The following CELF4 variants were observed in gnomAD, a reference collection of about 807,000 sequenced individuals.
CELF4 encodes the protein CUGBP Elav-like family member 4.
CELF4 carries 18 observed loss-of-function variants against 59.9 expected under a neutral mutation model. The ratio of observed to expected loss-of-function variants is 0.30; its 90% confidence interval spans 0.21 to 0.45. The LOEUF is 0.45. Among genes scored for constraint, CELF4 ranks in the 20% least tolerant of loss-of-function variants. The pLI, the probability that CELF4 is intolerant of heterozygous loss-of-function variation, is 1.00. For synonymous variants in CELF4, 261 were observed against 267.1 expected, an observed-to-expected ratio of 0.98 and a Z score of 0.22; for missense variants, 456 against 689.0, an observed-to-expected ratio of 0.66 and a Z score of 3.79.
intron 2 of CELF4, among the ~76,000 whole-genome samples, chr18:37,378,126 C>A (rs2098992829): frequency 6.6e-6 from 1 of 152,192 alleles, no homozygotes; most frequent in Non-Finnish European, 1.5e-5. Flanking sequence ...TCACCTTGCC[C>A]ACAGGTTGAC....
intron 2 of CELF4, among the ~76,000 whole-genome samples, chr18:37,463,053 C>A (rs56030681): frequency 0.032 from 4,798 of 152,260 alleles, 264 homozygotes; most frequent in African/African-American, 0.11. Flanking sequence ...TCAGGGAGCT[C>A]CTTTTCCAGA....
rs979378668 is a variant in CELF4 at position 37,254,267 on chromosome 18, A to T, written c.1334-329T>A. ...GCCCCCCACCCCCGCCGGCCCCGGC[A>T]CCTCAGCCCTCGCCTCGGCGGGAGA... On this transcript the variant is annotated intron_variant, in intron 11 of 12. Coordinates refer to ENST00000420428, the MANE Select transcript of CELF4 (RefSeq NM_020180.4). The surrounding 1 kb of genome is among the most constrained non-coding windows in gnomAD (Gnocchi z 5.1). Among the ~76,000 whole-genome samples the T allele has an allele frequency of 2.7e-5, 4 of 150,158 alleles. No individual in the cohort carries two copies. Among genetic ancestry groups the T allele is most frequent in the African/African-American group, 9.8e-5 (4 of 40,872 alleles).
intron 1 of CELF4, among the ~76,000 whole-genome samples, chr18:37,526,615 G>A (rs1256128030): frequency 6.6e-6 from 1 of 152,214 alleles, no homozygotes; most frequent in Non-Finnish European, 1.5e-5. Flanking sequence ...TAATGGAACC[G>A]TTGAAGGCAG....
chr18:37,261,753 G>C (rs552428379), intron 10 of CELF4, among the ~76,000 whole-genome samples: 2 of 152,350 alleles, frequency 1.3e-5, no homozygotes, highest in South Asian at 4.1e-4. Context: ...ATCCCTGAGG[G>C]CAACCTCATC....
intron 1 of CELF4, among the ~76,000 whole-genome samples, chr18:37,493,031 CCT>C (rs1156513373): frequency 6.6e-6 from 1 of 152,164 alleles, no homozygotes; most frequent in Non-Finnish European, 1.5e-5. Context: ...GATCTTCTTC[CCT>C]CTCTCTTCCC....
intron 1 of CELF4, among the ~76,000 whole-genome samples, chr18:37,550,829 G>A (rs1041934571): frequency 2.0e-5 from 3 of 152,200 alleles, no homozygotes; most frequent in East Asian, 1.9e-4. Context: ...GATTAGAGAC[G>A]TTTCTTTGGG....
At position 37,325,789 on chromosome 18, in the gene CELF4, C is replaced by T. The variant is rs1266210445; in HGVS notation, c.370-3908G>A. Among the ~76,000 whole-genome samples, 6 of 152,326 alleles carry T rather than the reference C, an allele frequency of 3.9e-5. No homozygotes were observed. The East Asian group carries it at 1.2e-3, about 29-fold the overall frequency. On this transcript the variant is annotated intron_variant, in intron 2 of 12. Coordinates refer to ENST00000420428, the MANE Select transcript of CELF4 (RefSeq NM_020180.4). ...TGGTAAAGGAGAACGGAATTGGTTC[C>T]CATGCAGCCATGGCTCCTGGGGTCA...
intron 2 of CELF4, among the ~76,000 whole-genome samples, chr18:37,334,389 A>T (rs2097686613): frequency 6.6e-6 from 1 of 152,040 alleles, no homozygotes; most frequent in Admixed American, 6.5e-5. Flanking sequence ...GACAGCTCAC[A>T]ACCATCTAGG....
intron 3 of CELF4, among the ~76,000 whole-genome samples, chr18:37,289,981 C>T (rs1387034685): frequency 6.6e-6 from 1 of 152,176 alleles, no homozygotes; most frequent in Admixed American, 6.5e-5. Context: ...CCTTTGTGAT[C>T]ACAAGGATCT....
intron 2 of CELF4, among the ~76,000 whole-genome samples, chr18:37,445,392 T>G (rs1041983708): frequency 2.0e-5 from 3 of 151,662 alleles, no homozygotes; most frequent in African/African-American, 4.8e-5. Context: ...GAGTTGGGTT[T>G]GGGGTCTGCT....
intron 3 of CELF4, among the ~76,000 whole-genome samples, chr18:37,308,240 T>C (rs2096515415): frequency 1.3e-5 from 2 of 152,088 alleles, no homozygotes; most frequent in African/African-American, 4.8e-5. Context: ...TATCGAAGAC[T>C]CCCCATCATC....
At chr18:37,313,632 C>T (rs1036991428) in intron 3 of CELF4, among the ~76,000 whole-genome samples, 1 of 152,250 alleles carries the variant, frequency 6.6e-6, no homozygotes, top group Admixed American at 6.5e-5. Context: ...GCTGCCCCCA[C>T]CCAGGCCCGC....
chr18:37,520,143 G>A (rs1034453112), intron 1 of CELF4, among the ~76,000 whole-genome samples: 1 of 152,102 alleles, frequency 6.6e-6, no homozygotes, highest in Non-Finnish European at 1.5e-5. Context: ...CCCCAAGCTC[G>A]GGGCCCCTAA....
intron 1 of CELF4, among the ~76,000 whole-genome samples, chr18:37,509,296 C>T (rs1237152442): frequency 6.6e-6 from 1 of 152,202 alleles, no homozygotes; most frequent in African/African-American, 2.4e-5. Flanking sequence ...ATTTTGAGTT[C>T]TGCAGAAAAG....
rs143407125 is a variant in CELF4, at chr18:37,506,961, G to C, written c.287-21354C>G. Among the ~76,000 whole-genome samples, 120 of 152,308 alleles carry C rather than the reference G, an allele frequency of 7.9e-4. 1 individual carries two copies. Among genetic ancestry groups the C allele is most frequent in the Admixed American group, 1.4e-3 (22 of 15,298 alleles). The stretch of plus-strand genomic sequence containing the variant: ...CTTGGGCCAGATGAAAAGGAGTGAG[G>C]AAACCTGTACATTCTTGAATGGATG... On this transcript the variant is annotated intron_variant, in intron 1 of 12. Transcript: ENST00000420428.
At chr18:37,278,952 C>A (rs984661614) in intron 3 of CELF4, among the ~76,000 whole-genome samples, 2 of 152,226 alleles carry the variant, frequency 1.3e-5, no homozygotes, top group African/African-American at 2.4e-5. Context: ...CCAACGGTAC[C>A]ATTTGGCTGG....
chr18:37,440,290 C>T (rs1272947006), intron 2 of CELF4, among the ~76,000 whole-genome samples: 6 of 152,020 alleles, frequency 3.9e-5, no homozygotes, highest in East Asian at 1.9e-4. Flanking sequence ...GGCTGGGCTG[C>T]GCTCTCCTCC....
At chr18:37,297,981 C>T (rs914542885) in intron 3 of CELF4, among the ~76,000 whole-genome samples, 11 of 152,240 alleles carry the variant, frequency 7.2e-5, no homozygotes, top group African/African-American at 1.9e-4. Context: ...TGGCCAGAGG[C>T]GCAGCCACCA....
chr18:37,452,066 G>A (rs577243149), intron 2 of CELF4, among the ~76,000 whole-genome samples: 160 of 152,296 alleles, frequency 1.1e-3, no homozygotes, highest in African/African-American at 3.7e-3. Context: ...CTACCCATCA[G>A]CCAGGAGGCA....
Sources: gnomAD v4.1 joint callset for allele counts (sites outside exome capture counted in the v4.1 genomes callset) on GRCh38, gnomAD v4.1.1 for gene constraint, Gnocchi (gnomAD v3.1) non-coding constraint, MANE v1.5 for transcripts, NCBI Gene and HGNC (gene_info 2026-07-23, HGNC 2026-07-21) for gene names.